ADAMTS19: variants seen among roughly 807,000 people sequenced by gnomAD.
ADAMTS19 encodes ADAM metallopeptidase with thrombospondin type 1 motif 19.
Under a neutral mutation model 153.3 loss-of-function variants are expected in ADAMTS19, and 93 were observed. The ratio of observed to expected loss-of-function variants is 0.61; its 90% confidence interval spans 0.51 to 0.72. The LOEUF is 0.72. Ranked by LOEUF, ADAMTS19 falls within the 30% of genes least tolerant of loss-of-function variation. ADAMTS19 has a pLI of 0.00. For synonymous variants in ADAMTS19, 600 were observed against 556.6 expected (o/e 1.08, Z -1.10); for missense variants, 1,482 against 1,552.1 (o/e 0.95, Z 0.76).
chr5:129,562,710 T>G (rs2126846210), intron 7 of ADAMTS19, among the ~76,000 whole-genome samples: 1 of 152,258 alleles, frequency 6.6e-6, no homozygotes, highest in Middle Eastern at 3.4e-3. Context: ...TGGTAAATAC[T>G]TAAAGCTGGC....
chr5:129,484,740 T>C (rs972167258), intron 2 of ADAMTS19, among the ~76,000 whole-genome samples: 2 of 152,148 alleles, frequency 1.3e-5, no homozygotes, highest in Admixed American at 6.5e-5. Context: ...TAAGTGTACA[T>C]GTGCAAGAGT....
intron 10 of ADAMTS19, among the ~76,000 whole-genome samples, chr5:129,634,659 G>C (rs941940507): frequency 6.6e-6 from 1 of 151,830 alleles, no homozygotes; most frequent in African/African-American, 2.4e-5. Flanking sequence ...TGACAAACCT[G>C]TTCAATAAAT....
At chr5:129,481,130 CAA>C (rs1750393895) in intron 2 of ADAMTS19, among the ~76,000 whole-genome samples, 2 of 152,064 alleles carry the variant, frequency 1.3e-5, no homozygotes, top group Non-Finnish European at 1.5e-5. Context: ...AATTTATAAA[CAA>C]AAGAGGTTTA....
chr5:129,502,406 T>C (rs1309186716), intron 2 of ADAMTS19, among the ~76,000 whole-genome samples: 1 of 152,208 alleles, frequency 6.6e-6, no homozygotes, highest in Non-Finnish European at 1.5e-5. Flanking sequence ...GCCTACACTC[T>C]AGGCCTGACA....
At position 129,528,671 on chromosome 5, in the gene ADAMTS19, T is replaced by C. The variant is rs1477341716; in HGVS notation, c.1322T>C (p.Ile441Thr). 2 of 1,584,146 alleles carry C rather than the reference T, an allele frequency of 1.3e-6. No homozygotes were observed. The highest frequency in any genetic ancestry group is 1.7e-6 in the Non-Finnish European group (2 of 1,167,744). The change falls in exon 6 of 23, where the codon ATA becomes ACA. Residue 441 changes from isoleucine (I) to threonine (T), a missense_variant. By Grantham distance (89) the Ile-to-Thr change is moderately conservative. Coordinates refer to ENST00000274487, the MANE Select transcript of ADAMTS19 (RefSeq NM_133638.6). ...ACTTCAGTGGATGCAGCTATACTTA[T>C]AACAAGGTAAATTTTCCAATGCCAA... The part of the protein sequence containing the change: ...DMTSVDAAIL[I>T]TRKDFCVHKD...
chr5:129,660,271 C>G (rs138722326), intron 15 of ADAMTS19, among the ~76,000 whole-genome samples: 1 of 152,076 alleles, frequency 6.6e-6, no homozygotes, highest in African/African-American at 2.4e-5. Flanking sequence ...TCTGCTGGCA[C>G]TCCTTTAGAA....
rs1753550624 is a variant in ADAMTS19, at chr5:129,656,447, G to A, written c.2304+2014G>A. The stretch of plus-strand genomic sequence containing the variant: ...GCATTCCAGACTTAGTGAACGAAAG[G>A]CAATTGAAAGCAGACAACTTTCTCT... On this transcript the variant is annotated intron_variant, in intron 14 of 22. Transcript: ENST00000274487. Among the ~76,000 whole-genome samples, 5 of 152,158 alleles carry A rather than the reference G, an allele frequency of 3.3e-5. No homozygotes were observed. In the South Asian group the frequency reaches 1.0e-3, roughly 31 times the overall value.
At chr5:129,612,318 G>A (rs1211390605) in intron 8 of ADAMTS19, among the ~76,000 whole-genome samples, 1 of 151,688 alleles carries the variant, frequency 6.6e-6, no homozygotes, top group Non-Finnish European at 1.5e-5. Flanking sequence ...CATTTTTTAT[G>A]GCTGCATAGT....
chr5:129,528,427 A>C, intron 5 of ADAMTS19, 93 bp from the exon 6 acceptor site: 1 of 1,018,554 alleles, frequency 9.8e-7, no homozygotes. Flanking sequence ...TTGCTTTAGT[A>C]ATTCAAGAGT....
intron 8 of ADAMTS19, among the ~76,000 whole-genome samples, chr5:129,613,435 A>C (rs1581146473): frequency 6.6e-6 from 1 of 152,178 alleles, no homozygotes; most frequent in African/African-American, 2.4e-5. Context: ...CTGAATGACT[A>C]CTGGGTACAT....
At chr5:129,565,003 T>C (rs1753656396) in intron 7 of ADAMTS19, among the ~76,000 whole-genome samples, 1 of 152,196 alleles carries the variant, frequency 6.6e-6, no homozygotes, top group Non-Finnish European at 1.5e-5. Context: ...AAAGCAGAAG[T>C]TGGGATGCCC....
In ADAMTS19 at chr5:129,523,632, C is replaced by T. The variant is rs112259534; in HGVS notation, c.914-2652C>T. On this transcript the variant is annotated intron_variant, in intron 3 of 22. Coordinates refer to ENST00000274487, the MANE Select transcript of ADAMTS19 (RefSeq NM_133638.6). ...TAATCGCAAATTTATTATTGAAGCA[C>T]CATGTGCATACAGGAAATTGCAGAA... 2.4e-3 allele frequency among the ~76,000 whole-genome samples: 365 copies of T among 152,216 alleles called. 4 individuals are homozygous for T. The highest frequency in any genetic ancestry group is 8.3e-3 in the African/African-American group (346 of 41,532).
At chr5:129,539,439 C>A (rs1215411772) in intron 6 of ADAMTS19, among the ~76,000 whole-genome samples, 1 of 152,032 alleles carries the variant, frequency 6.6e-6, no homozygotes, top group Non-Finnish European at 1.5e-5. Context: ...AGAAGGAATG[C>A]AGCTATATGG....
chr5:129,567,255 T>C (rs1452733156), intron 7 of ADAMTS19, among the ~76,000 whole-genome samples: 4 of 152,296 alleles, frequency 2.6e-5, no homozygotes, highest in African/African-American at 9.6e-5. Context: ...TTAACATTCT[T>C]CATAAGATTT....
intron 7 of ADAMTS19, among the ~76,000 whole-genome samples, chr5:129,564,328 T>C (rs1471044534): frequency 1.3e-5 from 2 of 152,184 alleles, no homozygotes; most frequent in Non-Finnish European, 1.5e-5. Flanking sequence ...GCTGTTACTT[T>C]AAGCTGTTAC....
chr5:129,466,157 A>G (rs150330880), intron 2 of ADAMTS19, among the ~76,000 whole-genome samples: 176 of 152,314 alleles, frequency 1.2e-3, no homozygotes, highest in Non-Finnish European at 1.6e-3. Flanking sequence ...GGTGACACCC[A>G]GGAAATAGTC....
intron 18 of ADAMTS19, among the ~76,000 whole-genome samples, chr5:129,689,938 A>G (rs1755257115): frequency 6.6e-6 from 1 of 152,212 alleles, no homozygotes; most frequent in Admixed American, 6.5e-5. Context: ...TAATCCATGA[A>G]CTGGATTTGC....
At chr5:129,732,959 T>C (rs1037094344) in intron 21 of ADAMTS19, among the ~76,000 whole-genome samples, 5 of 151,778 alleles carry the variant, frequency 3.3e-5, no homozygotes, top group African/African-American at 1.2e-4. Flanking sequence ...CAAATATAGA[T>C]ACACAGATCA....
At position 129,702,532 on chromosome 5, in the gene ADAMTS19, A is replaced by G. The variant is rs976483328; in HGVS notation, c.3159+940A>G. Reference sequence around the variant, plus strand: ...TAATACAGTTTCTAAATGTCTGTCAATTAACCCAACCCCCTCCAAAAAGCA... The same window carrying G: ...TAATACAGTTTCTAAATGTCTGTCAGTTAACCCAACCCCCTCCAAAAAGCA... On this transcript the variant is annotated intron_variant, in intron 20 of 22. Coordinates refer to ENST00000274487, the MANE Select transcript of ADAMTS19 (RefSeq NM_133638.6). Among the ~76,000 whole-genome samples, 8 of 152,186 alleles carry G rather than the reference A, an allele frequency of 5.3e-5. No individual in the cohort carries two copies. In the East Asian group the frequency reaches 5.8e-4, roughly 11 times the overall value.
Sources: allele counts gnomAD v4.1 joint callset (sites outside exome capture counted in the v4.1 genomes callset), GRCh38; gene constraint gnomAD v4.1.1; transcripts MANE v1.5; gene names NCBI Gene and HGNC (gene_info 2026-07-23, HGNC 2026-07-21).